WWC2: variants seen among roughly 807,000 people sequenced by gnomAD.
WWC2 encodes protein WWC2.
WWC2 carries 101 observed loss-of-function variants against 138.5 expected under a neutral mutation model. The ratio of observed to expected loss-of-function variants is 0.73; its 90% CI spans 0.62 to 0.86. The LOEUF (loss-of-function observed/expected upper bound fraction) is 0.86. WWC2 is among the 40% of genes least tolerant of loss of function. The pLI is 0.00. For synonymous variants in WWC2, 558 were observed against 538.4 expected (o/e 1.04, Z -0.50); for missense variants, 1,420 against 1,419.4 (o/e 1.00, Z -0.01).
At chr4:183,261,659 G>A in intron 11 of WWC2, 127 bp downstream of exon 11, 3 of 1,179,604 alleles carry the variant, frequency 2.5e-6, no homozygotes, top group Non-Finnish European at 3.4e-6. Flanking sequence ...AATCGTTTTG[G>A]CTTCATTTAA....
chr4:183,128,714 T>C (rs11132166), intron 1 of WWC2, among the ~76,000 whole-genome samples: 10,932 of 152,228 alleles, frequency 0.072, 716 homozygotes, highest in African/African-American at 0.17. Flanking sequence ...ATGCTTGACA[T>C]ATGTGAGAAG....
chr4:183,288,234 G>A (rs1289779190), intron 20 of WWC2, among the ~76,000 whole-genome samples: 1 of 152,166 alleles, frequency 6.6e-6, no homozygotes, highest in Admixed American at 6.5e-5. Context: ...TCTGACTTGG[G>A]CTAAGGCTCT....
rs1165439873 is a variant in WWC2, at chr4:183,317,896, C to G, written c.*2167C>G. 1 of 152,134 alleles carries G rather than the reference C, an allele frequency of 6.6e-6. No individual in the cohort carries two copies. The highest frequency in any genetic ancestry group is 1.5e-5 in the Non-Finnish European group (1 of 68,014). 9.4% of individuals were successfully genotyped at this position (152,134 alleles called of 1,614,324 possible). On this transcript the variant is annotated 3_prime_UTR_variant, in exon 23 of 23. Coordinates refer to ENST00000403733, the MANE Select transcript of WWC2 (RefSeq NM_024949.6). ...GTTGTTGTATTTCACAAAATTTCCT[C>G]ATTTCTAACATGAGAGATGAACTTA...
intron 21 of WWC2, among the ~76,000 whole-genome samples, chr4:183,299,762 ATTTCCC>A (rs1246653761): frequency 2.0e-5 from 3 of 151,990 alleles, no homozygotes; most frequent in Non-Finnish European, 4.4e-5. Flanking sequence ...CATCTCCATC[ATTTCCC>A]TGTGGTATTG....
Position 183,277,561 on chromosome 4 carries a change from C to A in WWC2, c.2563-3215C>A, listed in dbSNP as rs1438378886. 2.7e-5 allele frequency among the ~76,000 whole-genome samples: 4 copies of A among 148,982 alleles called. No homozygotes were observed. The East Asian group carries it at 7.9e-4, about 29-fold the overall frequency. ...GATCCCTGAGGAATCACCACACTGA[C>A]TTCCACAATGGTTGAACTAGTTTAC... is the stretch of plus-strand genomic sequence containing the variant. On this transcript the variant is annotated intron_variant, in intron 16 of 22. Coordinates refer to ENST00000403733, the MANE Select transcript of WWC2 (RefSeq NM_024949.6).
chr4:183,141,233 T>G (rs1184330240), intron 1 of WWC2, among the ~76,000 whole-genome samples: 1 of 152,174 alleles, frequency 6.6e-6, no homozygotes, highest in Non-Finnish European at 1.5e-5. Context: ...AGATTAGGTT[T>G]GGGTGAAGGC....
At chr4:183,163,960 A>G (rs1351436045) in intron 1 of WWC2, among the ~76,000 whole-genome samples, 4 of 152,112 alleles carry the variant, frequency 2.6e-5, no homozygotes, top group South Asian at 2.1e-4. Flanking sequence ...TAGTATTCCT[A>G]TGGACAATTG....
At chr4:183,285,777 A>G (rs919350022) in intron 19 of WWC2, among the ~76,000 whole-genome samples, 190 bp from the exon 20 acceptor site, 2 of 152,174 alleles carry the variant, frequency 1.3e-5, no homozygotes, top group African/African-American at 4.8e-5. Flanking sequence ...AAATACATAA[A>G]TAAGTAATTT....
At position 183,320,412 on chromosome 4, in the gene WWC2, C is replaced by T. The variant is rs1739605751; in HGVS notation, c.*4683C>T. On this transcript the variant is annotated 3_prime_UTR_variant, in exon 23 of 23. Coordinates refer to ENST00000403733, the MANE Select transcript of WWC2 (RefSeq NM_024949.6). ...TCACAAAAGGATAGGGAAATAATGCCGCCAACCAGTAATGCCAAGGTGTGG... is the reference window on the plus strand; with the variant it reads ...TCACAAAAGGATAGGGAAATAATGCTGCCAACCAGTAATGCCAAGGTGTGG... The T allele has an allele frequency of 4.8e-6, 3 of 621,746 alleles. No homozygotes were observed. Among genetic ancestry groups the T allele is most frequent in the East Asian group, 2.8e-5 (1 of 35,794 alleles). The allele number at this position is 621,746 out of a possible 1,614,324, so 38.5% of individuals were successfully genotyped here. A position where few individuals can be genotyped will look rare whatever the true frequency, so the allele number is the denominator to read the frequency against.
chr4:183,123,262 G>A (rs371795316), intron 1 of WWC2, among the ~76,000 whole-genome samples: 2 of 152,270 alleles, frequency 1.3e-5, no homozygotes, highest in African/African-American at 4.8e-5. Context: ...GTCTGTCAAT[G>A]GGAGATTGTA....
rs527596999 is a variant in WWC2 at position 183,287,509 on chromosome 4, C to T, written c.3141+1450C>T. On this transcript the variant is annotated intron_variant, in intron 20 of 22. Transcript: ENST00000403733. ...GAGAAACGGTTAGGTTACTGATAAACTTAGTTATTAGGACTACTTGAAACA... is the reference window on the plus strand; with the variant it reads ...GAGAAACGGTTAGGTTACTGATAAATTTAGTTATTAGGACTACTTGAAACA... 2.0e-5 allele frequency among the ~76,000 whole-genome samples: 3 copies of T among 152,202 alleles called. No homozygotes were observed. In the South Asian group the frequency reaches 6.2e-4, roughly 32 times the overall value.
chr4:183,136,882 A>G (rs963677791), intron 1 of WWC2, among the ~76,000 whole-genome samples: 5 of 152,216 alleles, frequency 3.3e-5, no homozygotes, highest in Admixed American at 2.6e-4. Flanking sequence ...GTTATAGCCT[A>G]TTAGGCCTAT....
At chr4:183,187,523 A>G (rs1028761315) in intron 1 of WWC2, among the ~76,000 whole-genome samples, 3 of 149,718 alleles carry the variant, frequency 2.0e-5, no homozygotes, top group African/African-American at 7.4e-5. Flanking sequence ...ACTGCACTCT[A>G]GCCTGGGCGA....
chr4:183,247,594 T>C (rs1455812786), intron 6 of WWC2, among the ~76,000 whole-genome samples: 1 of 121,170 alleles, frequency 8.3e-6, no homozygotes, highest in Non-Finnish European at 1.7e-5. Context: ...ACTATATATA[T>C]GCTATATATG....
chr4:183,284,481 C>G (rs1738182155), intron 19 of WWC2, 91 bp downstream of exon 19: 5 of 1,424,658 alleles, frequency 3.5e-6, no homozygotes, highest in Non-Finnish European at 4.7e-6. Context: ...AGACTGTGCA[C>G]TGGGAGTCCA....
chr4:183,209,105 G>C (rs926039093), intron 4 of WWC2, 80 bp downstream of exon 4: 14 of 966,832 alleles, frequency 1.4e-5, no homozygotes, highest in African/African-American at 3.3e-5. Flanking sequence ...TTAGTGATCA[G>C]TTCTCATCTC....
intron 22 of WWC2, among the ~76,000 whole-genome samples, chr4:183,314,029 T>C (rs1739350262): frequency 6.6e-6 from 1 of 151,964 alleles, no homozygotes; most frequent in Admixed American, 6.6e-5. Context: ...GTGGGGAAGC[T>C]AGGTCACGTG....
chr4:183,151,579 A>G (rs1414636411), intron 1 of WWC2, among the ~76,000 whole-genome samples: 1 of 152,124 alleles, frequency 6.6e-6, no homozygotes, highest in Non-Finnish European at 1.5e-5. Context: ...TTTTGTTGCC[A>G]TTGCTTTTGG....
At chr4:183,142,619 G>T (rs894685605) in intron 1 of WWC2, among the ~76,000 whole-genome samples, 1 of 152,146 alleles carries the variant, frequency 6.6e-6, no homozygotes, top group South Asian at 2.1e-4. Flanking sequence ...GAATATATTT[G>T]TGCCTATTTT....
Sources: gnomAD v4.1 joint callset for allele counts (sites outside exome capture counted in the v4.1 genomes callset) on GRCh38, gnomAD v4.1.1 for gene constraint, MANE v1.5 for transcripts, NCBI Gene and HGNC (gene_info 2026-07-23, HGNC 2026-07-21) for gene names.